Variants in PCDHA2 observed in about 807,000 individuals in gnomAD.
PCDHA2 encodes protocadherin alpha 2.
In PCDHA2, 58 loss-of-function variants were observed where a neutral mutation model predicts 66.0. That is an observed-to-expected ratio of 0.88 (90% CI 0.71 to 1.09). PCDHA2 has a LOEUF of 1.09. Ranked by LOEUF, PCDHA2 falls within the 50% of genes least tolerant of loss-of-function variation. The probability of loss-of-function intolerance (pLI) is 0.00; values close to 1 mark genes in which losing one functional copy is unlikely to be tolerated. For missense variants in PCDHA2, 1,267 were observed against 1,242.3 expected, an observed-to-expected ratio of 1.02 and a Z score of -0.30; for synonymous variants, 634 against 554.0, an observed-to-expected ratio of 1.14 and a Z score of -2.03.
chr5:140,900,226 G>A (rs1048533279), intron 1 of PCDHA2, among the ~76,000 whole-genome samples: 18 of 152,090 alleles, frequency 1.2e-4, no homozygotes, highest in Admixed American at 1.1e-3. Flanking sequence ...GCAAATGACT[G>A]GATCTTGTTT....
intron 1 of PCDHA2, chr5:140,852,642 A>T (rs2042423560): frequency 2.1e-6 from 2 of 960,454 alleles, no homozygotes; most frequent in African/African-American, 3.6e-5. Flanking sequence ...CTGTCATTAA[A>T]CCTATCTATA....
chr5:140,867,666 C>T (rs2050094280), intron 1 of PCDHA2: 1 of 152,038 alleles, frequency 6.6e-6, no homozygotes, highest in Non-Finnish European at 1.5e-5. Context: ...ACTTTCTACT[C>T]TAAAATTTTG....
At chr5:140,964,013 A>G (rs155811) in intron 1 of PCDHA2, among the ~76,000 whole-genome samples, 53,810 of 151,994 alleles carry the variant, frequency 0.35, 9,678 homozygotes, top group East Asian at 0.53. Context: ...TTTTTAATAG[A>G]GAGCTCTTGA....
intron 1 of PCDHA2, among the ~76,000 whole-genome samples, chr5:140,925,206 G>C (rs576558414): frequency 6.6e-6 from 1 of 152,116 alleles, no homozygotes; most frequent in African/African-American, 2.4e-5. Context: ...AATAATTATC[G>C]ATACTTTTAG....
At chr5:140,939,965 C>T (rs565275285) in intron 1 of PCDHA2, among the ~76,000 whole-genome samples, 1 of 152,100 alleles carries the variant, frequency 6.6e-6, no homozygotes, top group African/African-American at 2.4e-5. Context: ...TAAAGTGTTC[C>T]ACGATGAATA....
chr5:140,856,215 C>A lies in PCDHA2; in HGVS notation c.2388+58863C>A, dbSNP rs781995878. ...GCGCAGGACCTGGGGCTGGAGCTGGCGGAGCTGGTGCAGCGCCTGTTCCGG... is the reference window on the plus strand; with the variant it reads ...GCGCAGGACCTGGGGCTGGAGCTGGAGGAGCTGGTGCAGCGCCTGTTCCGG... On this transcript the variant is annotated intron_variant, in intron 1 of 3. Coordinates refer to ENST00000526136, the MANE Select transcript of PCDHA2 (RefSeq NM_018905.3). 3 of 1,597,902 alleles carry A rather than the reference C, an allele frequency of 1.9e-6. No individual in the cohort carries two copies. Among genetic ancestry groups the A allele is most frequent in the African/African-American group, 1.3e-5 (1 of 74,266 alleles).
At chr5:140,925,420 G>C (rs1332055982) in intron 1 of PCDHA2, among the ~76,000 whole-genome samples, 2 of 152,102 alleles carry the variant, frequency 1.3e-5, no homozygotes, top group Non-Finnish European at 2.9e-5. Flanking sequence ...AAAGGAACTG[G>C]TTGTAGGGTG....
chr5:140,928,940 AT>A (rs573936635), intron 1 of PCDHA2: 94 of 1,614,062 alleles, frequency 5.8e-5, no homozygotes, highest in Non-Finnish European at 7.9e-5. Flanking sequence ...CAGAACTTGT[AT>A]TTAGTAATTG....
intron 1 of PCDHA2, chr5:140,929,177 T>G: frequency 6.2e-7 from 1 of 1,614,172 alleles, no homozygotes; most frequent in Non-Finnish European, 8.5e-7. Flanking sequence ...TCTCTGGGAC[T>G]TGGTTCTGAT....
chr5:140,898,737 G>T (rs2066951107), intron 1 of PCDHA2, among the ~76,000 whole-genome samples: 1 of 152,102 alleles, frequency 6.6e-6, no homozygotes, highest in African/African-American at 2.4e-5. Flanking sequence ...AAAGTCATTG[G>T]TAGCTTGATG....
intron 1 of PCDHA2, among the ~76,000 whole-genome samples, chr5:140,947,996 T>G (rs185303145): frequency 1.1e-4 from 14 of 126,854 alleles, no homozygotes; most frequent in Non-Finnish European, 2.3e-4. Flanking sequence ...CCAAATACTT[T>G]ATTAAATTTA....
At chr5:140,974,614 C>T (rs757071183) in intron 1 of PCDHA2, among the ~76,000 whole-genome samples, 3 of 152,070 alleles carry the variant, frequency 2.0e-5, no homozygotes, top group East Asian at 1.9e-4. Context: ...AGGGTTCAAG[C>T]GATTCTCCTG....
At chr5:140,893,011 T>C (rs1194599055) in intron 1 of PCDHA2, among the ~76,000 whole-genome samples, 1 of 152,234 alleles carries the variant, frequency 6.6e-6, no homozygotes, top group Non-Finnish European at 1.5e-5. Flanking sequence ...TATTTTTCTG[T>C]GCCTGACTTA....
intron 1 of PCDHA2, chr5:140,927,477 G>A: frequency 6.2e-7 from 1 of 1,614,118 alleles, no homozygotes; most frequent in Non-Finnish European, 8.5e-7. Flanking sequence ...ATCGCGAACA[G>A]CGCGCCACCC....
At chr5:140,977,559 A>G (rs1383080307) in intron 1 of PCDHA2, among the ~76,000 whole-genome samples, 2 of 152,204 alleles carry the variant, frequency 1.3e-5, no homozygotes. Context: ...ATATCTTGCT[A>G]GCAGATTGGT....
intron 1 of PCDHA2, among the ~76,000 whole-genome samples, chr5:140,938,866 G>A (rs1372323218): frequency 2.6e-5 from 4 of 152,040 alleles, no homozygotes; most frequent in African/African-American, 9.7e-5. Context: ...GAACTTAAAA[G>A]TTAAGAAGCA....
intron 1 of PCDHA2, chr5:140,857,466 T>C: frequency 1.9e-6 from 3 of 1,598,502 alleles, no homozygotes; most frequent in Non-Finnish European, 2.6e-6. Context: ...GGCTGCCACA[T>C]CTTCACGGTG....
intron 3 of PCDHA2, among the ~76,000 whole-genome samples, chr5:140,987,098 C>A (rs2153859479): frequency 6.6e-6 from 1 of 151,952 alleles, no homozygotes; most frequent in Admixed American, 6.6e-5. Flanking sequence ...CCTGTAATCC[C>A]AGCTACTCGG....
At chr5:140,907,021 C>A (rs950958374) in intron 1 of PCDHA2, among the ~76,000 whole-genome samples, 1 of 152,168 alleles carries the variant, frequency 6.6e-6, no homozygotes, top group Non-Finnish European at 1.5e-5. Flanking sequence ...TCTAGGCCAG[C>A]AGAACATAAT....
Sources: allele counts gnomAD v4.1 joint callset (sites outside exome capture counted in the v4.1 genomes callset), GRCh38; gene constraint gnomAD v4.1.1; transcripts MANE v1.5; gene names NCBI Gene and HGNC (gene_info 2026-07-23, HGNC 2026-07-21).